Variants in RBFOX1 observed in about 807,000 individuals in gnomAD.
The protein encoded by RBFOX1 is RNA binding protein fox-1 homolog 1.
Under a neutral mutation model 57.7 loss-of-function variants are expected in RBFOX1, and 8 were observed. The ratio of observed to expected loss-of-function variants is 0.14; its 90% CI spans 0.08 to 0.25. The LOEUF (loss-of-function observed/expected upper bound fraction) is 0.25, where lower values mean the gene tolerates loss of function less well. Ranked by LOEUF, RBFOX1 falls within the 10% of genes least tolerant of loss-of-function variation. RBFOX1 has a pLI of 1.00. For synonymous variants in RBFOX1, 326 were observed against 222.4 expected, an observed-to-expected ratio of 1.47 and a Z score of -4.15; for missense variants, 611 against 548.5, an observed-to-expected ratio of 1.11 and a Z score of -1.14.
intron 3 of RBFOX1, among the ~76,000 whole-genome samples, chr16:5,827,869 T>C (rs571879353): frequency 1.4e-5 from 2 of 143,578 alleles, no homozygotes; most frequent in Admixed American, 6.8e-5. Context: ...ATCCAGGCTT[T>C]TGTCCATCCA....
At chr16:6,318,715 G>A (rs1438168939) in intron 2 of RBFOX1, among the ~76,000 whole-genome samples, 1 of 152,008 alleles carries the variant, frequency 6.6e-6, no homozygotes. Flanking sequence ...ATTTGTCTAT[G>A]GATATGGTAT....
At chr16:6,887,440 A>G (rs1413630797) in intron 3 of RBFOX1, among the ~76,000 whole-genome samples, 1 of 152,132 alleles carries the variant, frequency 6.6e-6, no homozygotes, top group African/African-American at 2.4e-5. Context: ...CTCCATGAAA[A>G]CTAATGATCA....
intron 1 of RBFOX1, among the ~76,000 whole-genome samples, chr16:5,389,052 G>C (rs62019565): frequency 6.6e-6 from 1 of 150,708 alleles, no homozygotes; most frequent in African/African-American, 2.4e-5. Flanking sequence ...TTAGCCTGGC[G>C]TGGTGGCAGG....
intron 4 of RBFOX1, among the ~76,000 whole-genome samples, chr16:7,208,851 T>C (rs953560921): frequency 6.6e-6 from 1 of 151,958 alleles, no homozygotes; most frequent in African/African-American, 2.4e-5. Context: ...AGCAAACAGA[T>C]AAACAGACAA....
chr16:6,936,569 A>G (rs2077395856), intron 3 of RBFOX1, among the ~76,000 whole-genome samples: 1 of 152,098 alleles, frequency 6.6e-6, no homozygotes, highest in Non-Finnish European at 1.5e-5. Flanking sequence ...TCATTGCTTA[A>G]TTGTTTCCTG....
At chr16:5,706,251 C>A (rs148542306) in intron 3 of RBFOX1, among the ~76,000 whole-genome samples, 2 of 152,094 alleles carry the variant, frequency 1.3e-5, no homozygotes, top group Non-Finnish European at 2.9e-5. Context: ...TAGAACATTC[C>A]GAAAGTTACG....
At chr16:6,538,787 C>G (rs527881732) in intron 2 of RBFOX1, among the ~76,000 whole-genome samples, 81 of 152,246 alleles carry the variant, frequency 5.3e-4, no homozygotes, top group African/African-American at 1.8e-3. Flanking sequence ...CTTCCAGGGC[C>G]TCTGTCTTGT....
At chr16:6,533,082 C>T (rs1441052929) in intron 2 of RBFOX1, among the ~76,000 whole-genome samples, 1 of 152,176 alleles carries the variant, frequency 6.6e-6, no homozygotes, top group East Asian at 1.9e-4. Flanking sequence ...TTGGCATAGC[C>T]AGGAGCATCC....
chr16:6,306,440 G>A (rs2079527106), intron 1 of RBFOX1, among the ~76,000 whole-genome samples: 1 of 152,228 alleles, frequency 6.6e-6, no homozygotes, highest in Non-Finnish European at 1.5e-5. Flanking sequence ...GATTTCTGCA[G>A]AGATTAGCAC....
At chr16:7,367,775 T>A (rs1364059151) in intron 4 of RBFOX1, among the ~76,000 whole-genome samples, 6 of 152,100 alleles carry the variant, frequency 3.9e-5, no homozygotes, top group African/African-American at 1.4e-4. Context: ...TTGTCAGATT[T>A]TCTGATATTT....
At chr16:6,700,402 A>T (rs1474393585) in intron 3 of RBFOX1, among the ~76,000 whole-genome samples, 1 of 152,008 alleles carries the variant, frequency 6.6e-6, no homozygotes, top group African/African-American at 2.4e-5. Context: ...TCACATCTGT[A>T]ATCTCAGCAC....
chr16:7,627,560 C>G (rs1029537292), intron 10 of RBFOX1, among the ~76,000 whole-genome samples: 1 of 152,176 alleles, frequency 6.6e-6, no homozygotes, highest in African/African-American at 2.4e-5. Flanking sequence ...GAAGATCCAG[C>G]TCAGTGGACT....
chr16:6,102,177 C>CAA (rs371780023), intron 1 of RBFOX1, among the ~76,000 whole-genome samples: 33,837 of 113,604 alleles, frequency 0.3, 4,582 homozygotes, highest in East Asian at 0.52. Context: ...CTCTTTCAGC[C>CAA]AAAAAAAAAA....
At chr16:5,950,394 T>C (rs114707955) in intron 4 of RBFOX1, among the ~76,000 whole-genome samples, 8 of 152,314 alleles carry the variant, frequency 5.3e-5, no homozygotes, top group African/African-American at 1.9e-4. Flanking sequence ...CTTATGATAC[T>C]TACTTGAGTT....
chr16:6,289,605 G>A (rs2077252930), intron 1 of RBFOX1, among the ~76,000 whole-genome samples: 1 of 152,076 alleles, frequency 6.6e-6, no homozygotes, highest in Non-Finnish European at 1.5e-5. Flanking sequence ...TCCTCTAGCT[G>A]TCCAATATCT....
At chr16:7,043,487 A>G (rs538017374) in intron 3 of RBFOX1, among the ~76,000 whole-genome samples, 7 of 152,326 alleles carry the variant, frequency 4.6e-5, no homozygotes, top group African/African-American at 4.8e-5. Flanking sequence ...CACCCTAGGT[A>G]CTTGGAGACG....
chr16:6,855,085 C>T (rs1025832570), intron 3 of RBFOX1, among the ~76,000 whole-genome samples: 8 of 151,970 alleles, frequency 5.3e-5, no homozygotes, highest in African/African-American at 1.7e-4. Flanking sequence ...ATGATCCCAA[C>T]AGAAGAGAAG....
chr16:7,101,994 G>A (rs1307658673), intron 4 of RBFOX1, among the ~76,000 whole-genome samples: 1 of 152,140 alleles, frequency 6.6e-6, no homozygotes, highest in African/African-American at 2.4e-5. Flanking sequence ...AGAGACAAGG[G>A]TGCCGTTTTC....
intron 11 of RBFOX1, among the ~76,000 whole-genome samples, chr16:7,638,412 C>G (rs2062142176): frequency 2.2e-5 from 1 of 45,190 alleles, no homozygotes; most frequent in Non-Finnish European, 5.3e-5. Context: ...TTCTTCACTA[C>G]TCTCTCAACT....
Sources: gnomAD v4.1 joint callset for allele counts (sites outside exome capture counted in the v4.1 genomes callset) on GRCh38, gnomAD v4.1.1 for gene constraint, MANE v1.5 for transcripts, NCBI Gene and HGNC (gene_info 2026-07-23, HGNC 2026-07-21) for gene names.